The following RELN variants were observed in gnomAD, a reference collection of about 807,000 sequenced individuals.
The protein encoded by RELN is reelin.
A neutral mutation model predicts 427.6 loss-of-function variants in RELN; 108 were observed. The observed-to-expected ratio is 0.25, with a 90% CI of 0.22 to 0.30. The LOEUF (loss-of-function observed/expected upper bound fraction) is 0.30. Ranked by LOEUF, RELN falls within the 10% of genes least tolerant of loss-of-function variation. The probability of loss-of-function intolerance (pLI) is 1.00; values close to 1 mark genes in which losing one functional copy is unlikely to be tolerated. For synonymous variants in RELN, 1,524 were observed against 1,513.4 expected, an observed-to-expected ratio of 1.01 and a Z score of -0.16; for missense variants, 3,715 against 4,302.8, an observed-to-expected ratio of 0.86 and a Z score of 3.82.
At chr7:103,629,343 G>A (rs17153808) in intron 20 of RELN, among the ~76,000 whole-genome samples, 3 of 151,886 alleles carry the variant, frequency 2.0e-5, no homozygotes, top group African/African-American at 7.3e-5. Context: ...AAAAATGAAG[G>A]GTAACTTAAT....
chr7:103,868,524 A>G (rs930113101), intron 2 of RELN, among the ~76,000 whole-genome samples: 4 of 152,112 alleles, frequency 2.6e-5, no homozygotes, highest in Non-Finnish European at 5.9e-5. Context: ...TATTTGTGCC[A>G]TAAGTCTCTC....
intron 20 of RELN, among the ~76,000 whole-genome samples, chr7:103,616,156 T>C (rs1056722936): frequency 6.6e-6 from 1 of 152,212 alleles, no homozygotes; most frequent in Admixed American, 6.5e-5. Context: ...GCATCCATAT[T>C]TGCATTTCTT....
intron 46 of RELN, among the ~76,000 whole-genome samples, chr7:103,523,925 C>T (rs756109641): frequency 1.3e-5 from 2 of 152,198 alleles, no homozygotes; most frequent in African/African-American, 2.4e-5. Flanking sequence ...GATCCTCCCA[C>T]CTCAGCCTCC....
intron 2 of RELN, among the ~76,000 whole-genome samples, chr7:103,857,595 C>T (rs1412826783): frequency 1.3e-5 from 2 of 152,192 alleles, no homozygotes; most frequent in Non-Finnish European, 2.9e-5. Flanking sequence ...CCCCCAGAGG[C>T]TGAGTATGAA....
intron 28 of RELN, among the ~76,000 whole-genome samples, chr7:103,576,037 C>G (rs1001756149): frequency 1.3e-5 from 2 of 152,092 alleles, no homozygotes; most frequent in Non-Finnish European, 1.5e-5. Context: ...TTGAGACCAT[C>G]CTGGCTAACA....
intron 24 of RELN, among the ~76,000 whole-genome samples, chr7:103,598,883 G>A (rs779143115): frequency 3.3e-5 from 5 of 152,166 alleles, no homozygotes; most frequent in Non-Finnish European, 5.9e-5. Flanking sequence ...TTTCTGTTAC[G>A]CTGTGATCAA....
At chr7:103,625,314 A>G (rs771823534) in intron 20 of RELN, among the ~76,000 whole-genome samples, 9 of 152,232 alleles carry the variant, frequency 5.9e-5, no homozygotes, top group Middle Eastern at 3.2e-3. Context: ...AAAAATAAGT[A>G]CACCACTATG....
At chr7:103,556,785 C>T (rs1381520819) in intron 38 of RELN, among the ~76,000 whole-genome samples, 192 bp downstream of exon 38, 1 of 152,206 alleles carries the variant, frequency 6.6e-6, no homozygotes, top group East Asian at 1.9e-4. Context: ...TCTTTTTCTT[C>T]CCAGTCTGGG....
intron 45 of RELN, among the ~76,000 whole-genome samples, chr7:103,536,508 G>A (rs2535760): frequency 0.65 from 98,123 of 151,948 alleles, 32,303 homozygotes; most frequent in Middle Eastern, 0.74. Flanking sequence ...TGGCCAAGGC[G>A]TCAGGAGCTT....
chr7:103,733,053 A>G (rs541832023), intron 6 of RELN, among the ~76,000 whole-genome samples: 2 of 152,084 alleles, frequency 1.3e-5, no homozygotes, highest in South Asian at 4.1e-4. Flanking sequence ...TTTTAGGTCT[A>G]ACGTTTAAGA....
At chr7:103,579,325 G>T (rs574654650) in intron 28 of RELN, among the ~76,000 whole-genome samples, 1 of 152,136 alleles carries the variant, frequency 6.6e-6, no homozygotes, top group Admixed American at 6.6e-5. Flanking sequence ...TAGGCCAGGC[G>T]CAGTGGCTCA....
At chr7:103,800,483 G>A (rs1325654349) in intron 3 of RELN, among the ~76,000 whole-genome samples, 1 of 152,178 alleles carries the variant, frequency 6.6e-6, no homozygotes, top group Non-Finnish European at 1.5e-5. Context: ...ATGGGGAAAG[G>A]ATTCCCTATT....
intron 8 of RELN, among the ~76,000 whole-genome samples, chr7:103,722,716 C>T (rs1172543538): frequency 6.6e-6 from 1 of 152,084 alleles, no homozygotes; most frequent in Non-Finnish European, 1.5e-5. Context: ...TTATTTATGC[C>T]AAACATAAAG....
At chr7:103,909,788 T>A (rs1795317312) in intron 2 of RELN, among the ~76,000 whole-genome samples, 2 of 88,864 alleles carry the variant, frequency 2.3e-5, no homozygotes, top group South Asian at 7.2e-4. Flanking sequence ...TAAATATATA[T>A]ATTAAATATA....
rs531621196 is a variant in RELN at position 103,883,342 on chromosome 7, A to G, written c.337+33733T>C. ...GCCAATATCATACTGAATGGGCAAA[A>G]GCTGGAAGCATTCCCTTTGAAAACC... On this transcript the variant is annotated intron_variant, in intron 2 of 64. Coordinates refer to ENST00000428762, the MANE Select transcript of RELN (RefSeq NM_005045.4). 5.9e-5 allele frequency among the ~76,000 whole-genome samples: 9 copies of G among 152,350 alleles called. No homozygotes were observed. The South Asian group carries it at 1.9e-3, about 32-fold the overall frequency.
chr7:103,908,488 T>C (rs925222895), intron 2 of RELN, among the ~76,000 whole-genome samples: 8 of 152,136 alleles, frequency 5.3e-5, no homozygotes, highest in Non-Finnish European at 1.2e-4. Context: ...GGGCTGGGCA[T>C]GGAACCTGAG....
intron 3 of RELN, among the ~76,000 whole-genome samples, chr7:103,777,385 T>C (rs1791770690): frequency 6.6e-6 from 1 of 152,242 alleles, no homozygotes; most frequent in African/African-American, 2.4e-5. Flanking sequence ...ACAGAAAATC[T>C]TGTCTCTAAG....
At chr7:103,668,336 G>T (rs757112734) in intron 11 of RELN, among the ~76,000 whole-genome samples, 8 of 152,156 alleles carry the variant, frequency 5.3e-5, no homozygotes, top group Non-Finnish European at 1.2e-4. Context: ...TATTTAAAAA[G>T]TTGAAATATT....
chr7:103,918,191 A>G (rs547269959), intron 1 of RELN, among the ~76,000 whole-genome samples: 14 of 152,268 alleles, frequency 9.2e-5, no homozygotes, highest in Admixed American at 8.5e-4. Flanking sequence ...TCAATAGAAT[A>G]GCCTGACATC....
Sources: gnomAD v4.1 joint callset for allele counts (sites outside exome capture counted in the v4.1 genomes callset) on GRCh38, gnomAD v4.1.1 for gene constraint, MANE v1.5 for transcripts, NCBI Gene and HGNC (gene_info 2026-07-23, HGNC 2026-07-21) for gene names.